Variants in CHCHD6 observed in about 807,000 individuals in gnomAD.
CHCHD6 encodes coiled-coil-helix-coiled-coil-helix domain containing 6, also known as MICOS complex subunit MIC25.
A neutral mutation model predicts 32.3 loss-of-function variants in CHCHD6; 28 were observed. The observed-to-expected ratio is 0.87, with a 90% CI of 0.64 to 1.19. The LOEUF (loss-of-function observed/expected upper bound fraction) is 1.19. CHCHD6 is among the 50% of genes most tolerant of loss of function. CHCHD6 has a pLI of 0.00. For synonymous variants in CHCHD6, 122 were observed against 117.5 expected (o/e 1.04, Z -0.25); for missense variants, 333 against 307.0 (o/e 1.08, Z -0.63).
At chr3:126,926,929 G>C (rs913239378) in intron 6 of CHCHD6, among the ~76,000 whole-genome samples, 1 of 152,098 alleles carries the variant, frequency 6.6e-6, no homozygotes, top group Non-Finnish European at 1.5e-5. Flanking sequence ...GTTGTGAACC[G>C]GCAGGAGGCT....
At chr3:126,902,749 C>T (rs1227121604) in intron 5 of CHCHD6, among the ~76,000 whole-genome samples, 2 of 151,318 alleles carry the variant, frequency 1.3e-5, no homozygotes, top group Non-Finnish European at 2.9e-5. Context: ...ATGTAGTGCT[C>T]GGAGACAAGA....
intron 6 of CHCHD6, among the ~76,000 whole-genome samples, chr3:126,948,074 C>T (rs565952525): frequency 1.2e-4 from 18 of 152,308 alleles, no homozygotes; most frequent in Admixed American, 3.3e-4. Context: ...TCTCAGAAAA[C>T]GATCAGAGAT....
At chr3:126,816,165 C>T (rs1161986417) in intron 4 of CHCHD6, among the ~76,000 whole-genome samples, 1 of 152,154 alleles carries the variant, frequency 6.6e-6, no homozygotes, top group Non-Finnish European at 1.5e-5. Flanking sequence ...CCAGGACCTC[C>T]CCGAGGTCCA....
chr3:126,957,584 G>T, intron 7 of CHCHD6, 33 bp downstream of exon 7: 2 of 1,550,472 alleles, frequency 1.3e-6, no homozygotes, highest in Non-Finnish European at 1.7e-6. Context: ...GGTTTCCAAG[G>T]GCCTTGGGAG....
intron 6 of CHCHD6, among the ~76,000 whole-genome samples, chr3:126,919,997 T>C (rs2078223522): frequency 6.6e-6 from 1 of 152,072 alleles, no homozygotes; most frequent in Non-Finnish European, 1.5e-5. Flanking sequence ...TCTTTCCTCT[T>C]TTCTAAGGTT....
At chr3:126,872,612 A>G (rs926220510) in intron 5 of CHCHD6, among the ~76,000 whole-genome samples, 1 of 152,200 alleles carries the variant, frequency 6.6e-6, no homozygotes, top group Admixed American at 6.5e-5. Context: ...TCTTCCTGGC[A>G]TGAGGGATCC....
At chr3:126,888,414 G>T (rs530274852) in intron 5 of CHCHD6, among the ~76,000 whole-genome samples, 6 of 152,324 alleles carry the variant, frequency 3.9e-5, no homozygotes, top group African/African-American at 1.4e-4. Flanking sequence ...GCACAATGAA[G>T]AATTCCTCTT....
chr3:126,864,734 C>A (rs1273459882), intron 5 of CHCHD6, among the ~76,000 whole-genome samples: 1 of 149,176 alleles, frequency 6.7e-6, no homozygotes, highest in East Asian at 2.0e-4. Context: ...ATCTCCTCTT[C>A]CTCCTCCACC....
chr3:126,938,004 G>A (rs1044096982), intron 6 of CHCHD6, among the ~76,000 whole-genome samples: 3 of 152,160 alleles, frequency 2.0e-5, no homozygotes, highest in Non-Finnish European at 4.4e-5. Context: ...CAGGCTATGC[G>A]CAGAGGACAA....
intron 1 of CHCHD6, among the ~76,000 whole-genome samples, chr3:126,710,770 A>G (rs1934713724): frequency 6.6e-6 from 1 of 152,136 alleles, no homozygotes; most frequent in Non-Finnish European, 1.5e-5. Context: ...GTTTCTGTAT[A>G]TTGACTTTGT....
At chr3:126,942,224 G>T (rs1472586564) in intron 6 of CHCHD6, among the ~76,000 whole-genome samples, 2 of 152,186 alleles carry the variant, frequency 1.3e-5, no homozygotes, top group Non-Finnish European at 2.9e-5. Flanking sequence ...TGCTGACCTA[G>T]ACCTGGTCAC....
chr3:126,846,923 A>T (rs944374037), intron 4 of CHCHD6, among the ~76,000 whole-genome samples: 1 of 152,206 alleles, frequency 6.6e-6, no homozygotes, highest in Non-Finnish European at 1.5e-5. Context: ...AGTCCACTAT[A>T]TATTTATGTC....
At chr3:126,807,425 T>C (rs78584929) in intron 4 of CHCHD6, among the ~76,000 whole-genome samples, 1,648 of 152,078 alleles carry the variant, frequency 0.011, 29 homozygotes, top group African/African-American at 0.036. Flanking sequence ...AAATATGGTA[T>C]CAGAAATGGA....
chr3:126,945,225 C>A (rs888013854), intron 6 of CHCHD6, among the ~76,000 whole-genome samples: 12 of 151,918 alleles, frequency 7.9e-5, no homozygotes, highest in African/African-American at 2.4e-4. Context: ...TTGTGTGGAG[C>A]TGGCCAGCCC....
intron 6 of CHCHD6, among the ~76,000 whole-genome samples, chr3:126,953,722 C>T (rs143013478): frequency 8.2e-4 from 125 of 152,306 alleles, no homozygotes; most frequent in African/African-American, 2.8e-3. Context: ...TACACCAATG[C>T]GAATGGTGTG....
intron 5 of CHCHD6, among the ~76,000 whole-genome samples, chr3:126,854,285 A>C (rs1941575069): frequency 6.6e-6 from 1 of 152,136 alleles, no homozygotes; most frequent in South Asian, 2.1e-4. Flanking sequence ...GAGTTATTAA[A>C]TGCTTCCAGA....
chr3:126,874,189 G>A (rs1020143904), intron 5 of CHCHD6, among the ~76,000 whole-genome samples: 3 of 152,188 alleles, frequency 2.0e-5, no homozygotes, highest in Non-Finnish European at 4.4e-5. Flanking sequence ...CAGCTCCTCT[G>A]TGTGCCTTAC....
chr3:126,927,278 G>A (rs567418931), intron 6 of CHCHD6, among the ~76,000 whole-genome samples: 12 of 152,304 alleles, frequency 7.9e-5, no homozygotes, highest in Admixed American at 1.3e-4. Flanking sequence ...CATCAGGAGC[G>A]TTCGTCTGCT....
intron 4 of CHCHD6, among the ~76,000 whole-genome samples, chr3:126,807,935 T>C (rs1203144655): frequency 6.6e-6 from 1 of 152,032 alleles, no homozygotes. Context: ...TGTAAGTGAG[T>C]GGTTATGACT....
Sources: gnomAD v4.1 joint callset for allele counts (sites outside exome capture counted in the v4.1 genomes callset) on GRCh38, gnomAD v4.1.1 for gene constraint, MANE v1.5 for transcripts, NCBI Gene and HGNC (gene_info 2026-07-23, HGNC 2026-07-21) for gene names.